GRID2: variants seen among roughly 807,000 people sequenced by gnomAD.
The protein encoded by GRID2 is glutamate ionotropic receptor delta type subunit 2.
GRID2 carries 33 observed loss-of-function variants against 114.8 expected under a neutral mutation model. The observed-to-expected ratio is 0.29, with a 90% CI of 0.22 to 0.38. The LOEUF is 0.38. GRID2 is among the 10% of genes least tolerant of loss of function. The pLI is 1.00. For missense variants in GRID2, 1,184 were observed against 1,257.7 expected (o/e 0.94, Z 0.89); for synonymous variants, 505 against 449.9 (o/e 1.12, Z -1.55).
At chr4:92,665,145 T>C (rs962956015) in intron 2 of GRID2, among the ~76,000 whole-genome samples, 6 of 151,134 alleles carry the variant, frequency 4.0e-5, no homozygotes, top group African/African-American at 1.5e-4. Flanking sequence ...TTGATTTCTT[T>C]TGTAGAAAAA....
intron 1 of GRID2, among the ~76,000 whole-genome samples, chr4:92,576,007 G>T (rs539033244): frequency 6.6e-6 from 1 of 152,204 alleles, no homozygotes; most frequent in Non-Finnish European, 1.5e-5. Flanking sequence ...CTAAGGAACC[G>T]CCTCTGCCCA....
downstream of GRID2, among the ~76,000 whole-genome samples, chr4:93,779,349 C>G (rs969568492): frequency 6.6e-6 from 1 of 152,010 alleles, no homozygotes; most frequent in African/African-American, 2.4e-5. Flanking sequence ...AGCACGGTAC[C>G]CTAGGGCAGA....
intron 8 of GRID2, among the ~76,000 whole-genome samples, chr4:93,313,927 G>T (rs559038684): frequency 1.3e-5 from 2 of 152,270 alleles, no homozygotes; most frequent in South Asian, 4.1e-4. Context: ...TAAGCAGCTA[G>T]CATGTGTAAA....
intron 2 of GRID2, among the ~76,000 whole-genome samples, chr4:92,916,334 T>C (rs1391835462): frequency 6.6e-6 from 1 of 152,048 alleles, no homozygotes; most frequent in African/African-American, 2.4e-5. Flanking sequence ...AAAACGATCA[T>C]TGTCTCTGTA....
At chr4:93,223,776 AT>A (rs1310619303) in intron 6 of GRID2, among the ~76,000 whole-genome samples, 3 of 152,110 alleles carry the variant, frequency 2.0e-5, no homozygotes, top group Non-Finnish European at 1.5e-5. Context: ...TTTCCAAAAA[AT>A]TTTTAACTTC....
At chr4:92,607,321 T>C (rs1045287856) in intron 2 of GRID2, among the ~76,000 whole-genome samples, 1 of 152,012 alleles carries the variant, frequency 6.6e-6, no homozygotes, top group African/African-American at 2.4e-5. Flanking sequence ...TTTAAGCCTC[T>C]ACTTTGGTTA....
At chr4:92,309,532 G>A (rs1725589791) in intron 1 of GRID2, among the ~76,000 whole-genome samples, 1 of 149,874 alleles carries the variant, frequency 6.7e-6, no homozygotes, top group South Asian at 2.1e-4. Context: ...TTTTTTTTTA[G>A]TACTACTTGA....
chr4:93,540,768 A>G (rs1459191704), intron 13 of GRID2, among the ~76,000 whole-genome samples: 2 of 152,192 alleles, frequency 1.3e-5, no homozygotes, highest in African/African-American at 4.8e-5. Flanking sequence ...GAGTCCAGCT[A>G]CAGCTGTCTT....
chr4:93,468,428 G>C (rs1299927087), intron 11 of GRID2, among the ~76,000 whole-genome samples: 1 of 152,142 alleles, frequency 6.6e-6, no homozygotes, highest in East Asian at 1.9e-4. Flanking sequence ...AGAAGGAGTA[G>C]TTCAGAGTAA....
chr4:92,914,915 A>G (rs942642297), intron 2 of GRID2, among the ~76,000 whole-genome samples: 6 of 152,152 alleles, frequency 3.9e-5, no homozygotes, highest in African/African-American at 1.2e-4. Context: ...AATGATTTAT[A>G]TTCCTTTGCA....
At chr4:93,241,873 T>C (rs918053748) in intron 8 of GRID2, among the ~76,000 whole-genome samples, 6 of 151,688 alleles carry the variant, frequency 4.0e-5, no homozygotes, top group Non-Finnish European at 8.8e-5. Flanking sequence ...GGAGAGATTT[T>C]TTACAATGTA....
At chr4:92,465,977 A>G (rs1398683473) in intron 1 of GRID2, among the ~76,000 whole-genome samples, 3 of 151,822 alleles carry the variant, frequency 2.0e-5, no homozygotes, top group Non-Finnish European at 2.9e-5. Flanking sequence ...CCCCCTTTTT[A>G]TATTTAATAA....
chr4:92,402,966 C>T (rs570544718), intron 1 of GRID2, among the ~76,000 whole-genome samples: 2 of 152,190 alleles, frequency 1.3e-5, no homozygotes, highest in Admixed American at 6.5e-5. Context: ...TTAACCTGAT[C>T]TTCTGCATAA....
chr4:92,349,579 TA>T (rs932037138), intron 1 of GRID2, among the ~76,000 whole-genome samples: 7 of 151,664 alleles, frequency 4.6e-5, no homozygotes, highest in Non-Finnish European at 8.9e-5. Flanking sequence ...AAATGAAATT[TA>T]AAATATTTTA....
intron 2 of GRID2, among the ~76,000 whole-genome samples, chr4:92,590,491 T>C (rs1728659837): frequency 1.3e-5 from 2 of 152,030 alleles, no homozygotes; most frequent in Non-Finnish European, 2.9e-5. Flanking sequence ...ATTATATTAA[T>C]TGAAATATAA....
chr4:92,842,681 T>G (rs1742996102), intron 2 of GRID2, among the ~76,000 whole-genome samples: 1 of 152,020 alleles, frequency 6.6e-6, no homozygotes, highest in Non-Finnish European at 1.5e-5. Context: ...AAATGTGATC[T>G]ACATGGAAAG....
intron 8 of GRID2, among the ~76,000 whole-genome samples, chr4:93,389,141 C>T (rs2149320317): frequency 6.6e-6 from 1 of 152,030 alleles, no homozygotes; most frequent in African/African-American, 2.4e-5. Flanking sequence ...TCAGATGGTA[C>T]CCATGACCTT....
At chr4:92,329,603 G>T (rs1301190881) in intron 1 of GRID2, among the ~76,000 whole-genome samples, 2 of 152,064 alleles carry the variant, frequency 1.3e-5, no homozygotes, top group East Asian at 3.9e-4. Context: ...AAAGCACAAT[G>T]ATATATATTG....
chr4:93,404,045 G>C (rs1766172757), intron 9 of GRID2, among the ~76,000 whole-genome samples: 1 of 152,104 alleles, frequency 6.6e-6, no homozygotes, highest in South Asian at 2.1e-4. Flanking sequence ...TTTGGCAATA[G>C]AATGAAATTA....
Sources: gnomAD v4.1 joint callset for allele counts (sites outside exome capture counted in the v4.1 genomes callset) on GRCh38, gnomAD v4.1.1 for gene constraint, MANE v1.5 for transcripts, NCBI Gene and HGNC (gene_info 2026-07-23, HGNC 2026-07-21) for gene names.